Variants in CNTNAP2 observed in about 807,000 individuals in gnomAD.
The protein encoded by CNTNAP2 is contactin associated protein 2.
Under a neutral mutation model 155.2 loss-of-function variants are expected in CNTNAP2, and 98 were observed. The observed-to-expected ratio is 0.63, with a 90% CI of 0.54 to 0.75. The LOEUF (loss-of-function observed/expected upper bound fraction) is 0.75, where lower values mean the gene tolerates loss of function less well. Ranked by LOEUF, CNTNAP2 falls within the 30% of genes least tolerant of loss-of-function variation. The pLI is 0.00. For synonymous variants in CNTNAP2, 651 were observed against 631.2 expected, an observed-to-expected ratio of 1.03 and a Z score of -0.47; for missense variants, 1,727 against 1,688.1, an observed-to-expected ratio of 1.02 and a Z score of -0.40.
At chr7:148,095,888 A>G (rs779541491) in intron 15 of CNTNAP2, among the ~76,000 whole-genome samples, 71 of 152,292 alleles carry the variant, frequency 4.7e-4, no homozygotes, top group Middle Eastern at 3.4e-3. Context: ...GGAATGCTTT[A>G]TTGCTCTCTT....
chr7:147,520,737 T>C (rs1372026503), intron 11 of CNTNAP2, among the ~76,000 whole-genome samples: 1 of 152,242 alleles, frequency 6.6e-6, no homozygotes, highest in Non-Finnish European at 1.5e-5. Context: ...TAAGACTTTG[T>C]ATTTTACTTT....
chr7:148,286,528 T>C (rs1167696319), intron 21 of CNTNAP2, among the ~76,000 whole-genome samples: 1 of 152,216 alleles, frequency 6.6e-6, no homozygotes, highest in Non-Finnish European at 1.5e-5. Context: ...TAATTACTAT[T>C]TTTTAAAACA....
chr7:147,534,313 T>C (rs1441642701), intron 11 of CNTNAP2, among the ~76,000 whole-genome samples: 1 of 152,210 alleles, frequency 6.6e-6, no homozygotes, highest in Non-Finnish European at 1.5e-5. Flanking sequence ...TGAGAAACCT[T>C]GATATAGCCC....
intron 4 of CNTNAP2, among the ~76,000 whole-genome samples, chr7:147,086,580 T>C (rs565365017): frequency 1.8e-4 from 28 of 152,164 alleles, no homozygotes; most frequent in African/African-American, 6.5e-4. Flanking sequence ...AAAACAGGCA[T>C]GCACCACCAT....
chr7:147,716,663 G>T (rs1053062314), intron 13 of CNTNAP2, among the ~76,000 whole-genome samples: 1 of 152,132 alleles, frequency 6.6e-6, no homozygotes, highest in Admixed American at 6.6e-5. Flanking sequence ...CCCCGTGCAA[G>T]CTTCCAGCTT....
At chr7:147,664,658 A>G (rs1170235900) in intron 13 of CNTNAP2, among the ~76,000 whole-genome samples, 2 of 152,088 alleles carry the variant, frequency 1.3e-5, no homozygotes, top group Non-Finnish European at 2.9e-5. Context: ...TATTCCTAGG[A>G]AATCTCTTTG....
At chr7:148,138,034 A>C (rs1804994780) in intron 16 of CNTNAP2, among the ~76,000 whole-genome samples, 1 of 152,230 alleles carries the variant, frequency 6.6e-6, no homozygotes, top group Non-Finnish European at 1.5e-5. Context: ...GTGGCAAAAC[A>C]GAGAGAGAAA....
At chr7:146,712,094 A>AGTATACATATCTTATGTATACATATAT (rs1801091451) in intron 1 of CNTNAP2, among the ~76,000 whole-genome samples, 37 of 121,416 alleles carry the variant, frequency 3.0e-4, no homozygotes, top group Admixed American at 1.5e-3. Context: ...TATACTATAT[A>AGTATACATATCTTATGTATACATATAT]GTATACATAT....
intron 1 of CNTNAP2, among the ~76,000 whole-genome samples, chr7:146,552,008 A>G (rs1382470320): frequency 6.6e-6 from 1 of 152,114 alleles, no homozygotes; most frequent in African/African-American, 2.4e-5. Context: ...ATATTTATAT[A>G]TGTCACTGGA....
chr7:147,208,458 G>C (rs1243956480), intron 8 of CNTNAP2, among the ~76,000 whole-genome samples: 1 of 152,036 alleles, frequency 6.6e-6, no homozygotes, highest in Non-Finnish European at 1.5e-5. Context: ...GTTTGGAGAA[G>C]CAGAAAATCT....
At chr7:147,113,430 CTGAG>C (rs772362732) in intron 5 of CNTNAP2, among the ~76,000 whole-genome samples, 3 of 151,156 alleles carry the variant, frequency 2.0e-5, no homozygotes, top group Non-Finnish European at 4.4e-5. Flanking sequence ...CTGCCCAAGA[CTGAG>C]TGATTTATTA....
Position 147,423,060 on chromosome 7 carries a change from T to C in CNTNAP2, c.1670+27280T>C, listed in dbSNP as rs565220042. Among the ~76,000 whole-genome samples the C allele has an allele frequency of 3.3e-5, 5 of 152,294 alleles. No individual in the cohort carries two copies. In the South Asian group the frequency reaches 1.0e-3, roughly 32 times the overall value. ...AGTGTGAACAGATGCTGGAACTGAA[T>C]AGCAGTTGCTAAGACTTTGCAGGCC... On this transcript the variant is annotated intron_variant, in intron 10 of 23. Transcript: ENST00000361727.
At chr7:148,030,921 T>C (rs955388084) in intron 15 of CNTNAP2, among the ~76,000 whole-genome samples, 1 of 151,856 alleles carries the variant, frequency 6.6e-6, no homozygotes, top group Admixed American at 6.6e-5. Context: ...AAAAGAAAAA[T>C]TGCACCAGAC....
At chr7:147,369,097 A>G (rs372993010) in intron 9 of CNTNAP2, among the ~76,000 whole-genome samples, 2 of 152,214 alleles carry the variant, frequency 1.3e-5, no homozygotes, top group African/African-American at 4.8e-5. Context: ...GAGACTTTGA[A>G]TACTTTCTAA....
chr7:146,319,647 G>C (rs1422210141), intron 1 of CNTNAP2, among the ~76,000 whole-genome samples: 1 of 152,218 alleles, frequency 6.6e-6, no homozygotes, highest in Admixed American at 6.5e-5. Context: ...TTTAAGATGT[G>C]ATCGGCTTCA....
intron 1 of CNTNAP2, among the ~76,000 whole-genome samples, chr7:146,252,297 A>G (rs967476952): frequency 1.3e-5 from 2 of 152,140 alleles, no homozygotes; most frequent in African/African-American, 4.8e-5. Context: ...ATCAAATCCC[A>G]TTGCTGGAAG....
intron 1 of CNTNAP2, among the ~76,000 whole-genome samples, chr7:146,409,939 T>C (rs1273474422): frequency 6.6e-6 from 1 of 152,184 alleles, no homozygotes; most frequent in Admixed American, 6.5e-5. Flanking sequence ...TCAAGGTCCT[T>C]CTGACTTGGT....
chr7:147,663,186 A>AT (rs1464671786), intron 13 of CNTNAP2, among the ~76,000 whole-genome samples: 8 of 102 alleles, frequency 0.078, no homozygotes, highest in East Asian at 0.25. Context: ...TTTCGTAGGG[A>AT]CGGGTTTCAC....
At chr7:146,907,565 A>G (rs1376067803) in intron 3 of CNTNAP2, among the ~76,000 whole-genome samples, 1 of 143,910 alleles carries the variant, frequency 6.9e-6, no homozygotes, top group East Asian at 2.0e-4. Flanking sequence ...TCATAAGTGA[A>G]GGAGAAATAA....
Sources: allele counts gnomAD v4.1 joint callset (sites outside exome capture counted in the v4.1 genomes callset), GRCh38; gene constraint gnomAD v4.1.1; transcripts MANE v1.5; gene names NCBI Gene and HGNC (gene_info 2026-07-23, HGNC 2026-07-21).